PHACTR3: variants seen among roughly 807,000 people sequenced by gnomAD.
PHACTR3 encodes phosphatase and actin regulator 3.
PHACTR3 carries 16 observed loss-of-function variants against 66.8 expected under a neutral mutation model. The ratio of observed to expected loss-of-function variants is 0.24; its 90% CI spans 0.16 to 0.36. The LOEUF (loss-of-function observed/expected upper bound fraction) is 0.36, where lower values mean the gene tolerates loss of function less well. Ranked by LOEUF, PHACTR3 falls within the 10% of genes least tolerant of loss-of-function variation. The pLI is 1.00. For missense variants in PHACTR3, 647 were observed against 719.9 expected (o/e 0.90, Z 1.16); for synonymous variants, 323 against 292.1 (o/e 1.11, Z -1.08).
chr20:59,622,989 A>AAAAAAAAAAAAAAAAAAAAAC (rs1325417969), intron 1 of PHACTR3, among the ~76,000 whole-genome samples: 2 of 141,392 alleles, frequency 1.4e-5, no homozygotes, highest in Admixed American at 8.0e-5. Context: ...ACCAAAAAAA[A>AAAAAAAAAAAAAAAAAAAAAC]AAAAAAAAAA....
chr20:59,639,663 C>T (rs188577322), intron 1 of PHACTR3, among the ~76,000 whole-genome samples: 1 of 152,144 alleles, frequency 6.6e-6, no homozygotes, highest in Non-Finnish European at 1.5e-5. Flanking sequence ...GCAAGTTAAT[C>T]CCTCTCTCTG....
intron 1 of PHACTR3, among the ~76,000 whole-genome samples, chr20:59,678,147 T>C (rs1031788034): frequency 1.3e-5 from 2 of 152,152 alleles, no homozygotes; most frequent in African/African-American, 2.4e-5. Flanking sequence ...GGAATAGATA[T>C]AGATTTTTTT....
At chr20:59,635,111 C>CT (rs1311976745) in intron 1 of PHACTR3, among the ~76,000 whole-genome samples, 1 of 64,540 alleles carries the variant, frequency 1.5e-5, no homozygotes, top group Non-Finnish European at 3.2e-5. Flanking sequence ...CTCTTTCTTT[C>CT]TTTCTTTCTT....
At chr20:59,751,735 G>A (rs2426829) in intron 3 of PHACTR3, among the ~76,000 whole-genome samples, 85,966 of 151,880 alleles carry the variant, frequency 0.57, 25,600 homozygotes, top group Non-Finnish European at 0.65. Context: ...GAAGGACCCT[G>A]CTGGTGGCGT....
intron 1 of PHACTR3, among the ~76,000 whole-genome samples, chr20:59,718,651 T>C (rs1712682223): frequency 6.6e-6 from 1 of 152,226 alleles, no homozygotes; most frequent in Admixed American, 6.5e-5. Flanking sequence ...TTTTGACTTA[T>C]ATTAAGGTGA....
At chr20:59,711,206 C>T (rs1040367040) in intron 1 of PHACTR3, among the ~76,000 whole-genome samples, 5 of 152,174 alleles carry the variant, frequency 3.3e-5, no homozygotes, top group African/African-American at 9.7e-5. Flanking sequence ...TTCTACCTCT[C>T]TTCTACAATT....
intron 7 of PHACTR3, among the ~76,000 whole-genome samples, chr20:59,782,569 G>A (rs1166737670): frequency 6.6e-6 from 1 of 152,128 alleles, no homozygotes; most frequent in Admixed American, 6.6e-5. Context: ...GAGGTTTAAT[G>A]GACTTACAGT....
chr20:59,624,259 C>CTA (rs1267467908), intron 1 of PHACTR3, among the ~76,000 whole-genome samples: 1 of 152,146 alleles, frequency 6.6e-6, no homozygotes, highest in African/African-American at 2.4e-5. Flanking sequence ...TGGCTGCATC[C>CTA]TACAGCCCCT....
rs116880206 is a variant in PHACTR3 at position 59,738,130 on chromosome 20, C to T, written c.119-4977C>T. 0.012 allele frequency among the ~76,000 whole-genome samples: 1,902 copies of T among 152,170 alleles called. 21 individuals are homozygous for T. Among genetic ancestry groups the T allele is most frequent in the Middle Eastern group, 0.02 (6 of 294 alleles). ...AGTGGAAGCAGTCACATAGCCACAG[C>T]AAGAAGGAGACACCATACCCCCCAG... On this transcript the variant is annotated intron_variant, in intron 1 of 12. Coordinates refer to ENST00000371015, the MANE Select transcript of PHACTR3 (RefSeq NM_080672.5). This position sits in a 1 kb window ranked among gnomAD's most constrained non-coding sequence, Gnocchi z 4.4.
intron 1 of PHACTR3, among the ~76,000 whole-genome samples, chr20:59,682,384 C>T (rs1287536383): frequency 6.6e-6 from 1 of 152,126 alleles, no homozygotes; most frequent in Non-Finnish European, 1.5e-5. Flanking sequence ...AGAAATCTGG[C>T]CTCTTAATGG....
At chr20:59,799,670 A>G (rs1463450121) in intron 7 of PHACTR3, among the ~76,000 whole-genome samples, 2 of 152,058 alleles carry the variant, frequency 1.3e-5, no homozygotes, top group African/African-American at 2.4e-5. Context: ...GTAACTTTAT[A>G]TATAGTTTTG....
At chr20:59,835,114 T>C (rs2042487534) in intron 8 of PHACTR3, among the ~76,000 whole-genome samples, 1 of 152,204 alleles carries the variant, frequency 6.6e-6, no homozygotes, top group Non-Finnish European at 1.5e-5. Flanking sequence ...TTCTGGGGGC[T>C]TGGAACAGTG....
At chr20:59,685,949 T>G (rs943295969) in intron 1 of PHACTR3, among the ~76,000 whole-genome samples, 2 of 152,210 alleles carry the variant, frequency 1.3e-5, no homozygotes, top group African/African-American at 4.8e-5. Flanking sequence ...CCTCGGTAAC[T>G]GCCAGTTGGC....
At chr20:59,605,762 A>G in intron 1 of PHACTR3, among the ~76,000 whole-genome samples, 1 of 144,308 alleles carries the variant, frequency 6.9e-6, no homozygotes, top group Admixed American at 7.4e-5. Context: ...GGCAGCGTTG[A>G]TTGTTTAGGT....
intron 1 of PHACTR3, among the ~76,000 whole-genome samples, chr20:59,651,329 T>C (rs2035452628): frequency 6.6e-6 from 1 of 152,244 alleles, no homozygotes; most frequent in Non-Finnish European, 1.5e-5. Flanking sequence ...CACTGAATCA[T>C]GTAGTAAATT....
intron 8 of PHACTR3, among the ~76,000 whole-genome samples, chr20:59,817,140 C>G (rs1331638281): frequency 7.2e-5 from 11 of 152,224 alleles, no homozygotes; most frequent in African/African-American, 2.7e-4. Flanking sequence ...ATAGTGGGCT[C>G]TTTGGATACA....
chr20:59,703,296 G>T (rs2037575549), intron 1 of PHACTR3, among the ~76,000 whole-genome samples: 2 of 152,140 alleles, frequency 1.3e-5, no homozygotes, highest in African/African-American at 4.8e-5. Context: ...CCTGAGTCAT[G>T]CATTTATTTT....
At chr20:59,703,625 G>T (rs1020426811) in intron 1 of PHACTR3, among the ~76,000 whole-genome samples, 6 of 152,060 alleles carry the variant, frequency 3.9e-5, no homozygotes, top group Non-Finnish European at 5.9e-5. Flanking sequence ...ATCAGTGAAA[G>T]AAATAAAATA....
chr20:59,728,572 T>C (rs2038647403), intron 1 of PHACTR3, among the ~76,000 whole-genome samples: 1 of 151,922 alleles, frequency 6.6e-6, no homozygotes, highest in Non-Finnish European at 1.5e-5. Flanking sequence ...CCTTTTGTTA[T>C]TATTATTATT....
Sources: allele counts gnomAD v4.1 joint callset (sites outside exome capture counted in the v4.1 genomes callset), GRCh38; gene constraint gnomAD v4.1.1; non-coding constraint Gnocchi (gnomAD v3.1); transcripts MANE v1.5; gene names NCBI Gene and HGNC (gene_info 2026-07-23, HGNC 2026-07-21).